The following MCM7 variants were observed in gnomAD, a reference collection of about 807,000 sequenced individuals.
MCM7 encodes minichromosome maintenance complex component 7.
Under a neutral mutation model 83.5 loss-of-function variants are expected in MCM7, and 95 were observed. The observed-to-expected ratio is 1.14, with a 90% CI of 0.96 to 1.35. The LOEUF (loss-of-function observed/expected upper bound fraction) is 1.35, where lower values mean the gene tolerates loss of function less well. Ranked by LOEUF, MCM7 falls within the 40% of genes most tolerant of loss-of-function variation. The pLI, the probability that MCM7 is intolerant of heterozygous loss-of-function variation, is 0.00. For missense variants in MCM7, 1,087 were observed against 957.4 expected, an observed-to-expected ratio of 1.14 and a Z score of -1.79; for synonymous variants, 461 against 352.7, an observed-to-expected ratio of 1.31 and a Z score of -3.44.
chr7:100,098,522 C>T (rs1393666339), intron 6 of MCM7, 56 bp downstream of exon 6: 2 of 1,606,784 alleles, frequency 1.2e-6, no homozygotes, highest in South Asian at 1.1e-5. Flanking sequence ...CAAGTGACTA[C>T]AGGATTCAAG....
intron 1 of MCM7, chr7:100,100,497 A>G (rs1425917223): frequency 3.1e-6 from 3 of 982,192 alleles, no homozygotes; most frequent in African/African-American, 3.8e-5. Flanking sequence ...ACCGCACCCC[A>G]CCCCCGCTCC....
At chr7:100,094,378 G>C in intron 12 of MCM7, 37 bp from the exon 13 acceptor site, 2 of 1,612,090 alleles carry the variant, frequency 1.2e-6, no homozygotes, top group Non-Finnish European at 1.7e-6. Flanking sequence ...AGAAGAGGGA[G>C]ATGGGGAAGG....
rs888492926 is a variant in MCM7 at position 100,099,925 on chromosome 7, G to A, written c.111+89C>T. 4.9e-6 allele frequency: 7 copies of A among 1,443,152 alleles called. No individual in the cohort carries two copies. In the African/African-American group the frequency reaches 8.4e-5, roughly 17 times the overall value. The allele number at this position is 1,443,152 out of a possible 1,614,324, so 89.4% of individuals were successfully genotyped here. On this transcript the variant is annotated intron_variant, in intron 2 of 14. Transcript: ENST00000303887. ...TTTTCAGCCCTCAAACCCTCTAATT[G>A]TTATGTCTTTAATAAAACAAGCCAA... is the stretch of plus-strand genomic sequence containing the variant.
At position 100,092,833 on chromosome 7, in the gene MCM7, AAG is replaced by A. The variant is rs1795383864; in HGVS notation, c.*97_*98del. The A allele has an allele frequency of 1.6e-6, 2 of 1,256,918 alleles. No homozygotes were observed. Among genetic ancestry groups the A allele is most frequent in the Admixed American group, 1.9e-5 (1 of 53,454 alleles). 77.9% of individuals were successfully genotyped at this position (1,256,918 alleles called of 1,614,324 possible). A position where few individuals can be genotyped will look rare whatever the true frequency, so the allele number is the denominator to read the frequency against. On this transcript the variant is annotated 3_prime_UTR_variant, in exon 15 of 15. Transcript: ENST00000303887. Reference sequence around the variant, plus strand: ...AAAGGAGTAAGTGCAGCATGGGAGAAAGAGGGGCTCCTCCTTCCCCTCAAAGG... The same window carrying A: ...AAAGGAGTAAGTGCAGCATGGGAGAAAGGGGCTCCTCCTTCCCCTCAAAGG...
chr7:100,095,971 G>C lies in MCM7; in HGVS notation c.1398C>G (p.Thr466=). 6.2e-7 allele frequency: 1 copy of C among 1,614,022 alleles called. No homozygotes were observed. The highest frequency in any genetic ancestry group is 8.5e-7 in the Non-Finnish European group (1 of 1,179,990). ...TAIHEVMEQQ[T]ISIAKAGILT... ...GAATGCCGGCCTTGGCAATGGAGAT[G>C]GTCTGCTGCTCCATGACCTCGTGGA... is the stretch of plus-strand genomic sequence containing the variant. The change falls in exon 11 of 15, where the codon ACC becomes ACG. Residue 466 remains threonine, a synonymous_variant. Transcript: ENST00000303887.
Position 100,097,316 on chromosome 7 carries a change from G to T in MCM7, c.1186C>A (p.Arg396=). The change falls in exon 10 of 15, where the codon CGA becomes AGA. Residue 396 remains arginine, a synonymous_variant. Transcript: ENST00000303887. ...AACTACTTACTGCGAGGCGCCAGTC[G>T]ATCAATGTATGACAGGAGCTGAGAC... ...AKSQLLSYID[R]LAPRSQYTTG... is the part of the protein sequence containing the mutation. 1.2e-6 allele frequency: 2 copies of T among 1,614,068 alleles called. No individual in the cohort carries two copies. The highest frequency in any genetic ancestry group is 1.7e-6 in the Non-Finnish European group (2 of 1,179,984).
chr7:100,097,202 G>T, intron 10 of MCM7, 99 bp downstream of exon 10: 1 of 1,016,534 alleles, frequency 9.8e-7, no homozygotes, highest in Non-Finnish European at 1.5e-6. Flanking sequence ...CAGAGCATTG[G>T]GATTACAGGC....
intron 13 of MCM7, 39 bp from the exon 14 acceptor site, chr7:100,093,440 A>T: frequency 6.3e-7 from 1 of 1,584,322 alleles, no homozygotes; most frequent in African/African-American, 1.3e-5. Flanking sequence ...GAACGGGAGG[A>T]GGGCAGTGGA....
chr7:100,101,173 C>T lies in MCM7; in HGVS notation c.31+91G>A, dbSNP rs1796001928. 3.3e-6 allele frequency: 5 copies of T among 1,537,626 alleles called. No individual in the cohort carries two copies. The East Asian group carries it at 9.0e-5, about 28-fold the overall frequency. ...CCTCGCGCACCCCAGAACCCGCCGA[C>T]CCCGGTCCCCCAAGACCCCAGCTCA... On this transcript the variant is annotated intron_variant, in intron 1 of 14. Coordinates refer to ENST00000303887, the MANE Select transcript of MCM7 (RefSeq NM_005916.5).
intron 1 of MCM7, chr7:100,100,417 A>C: frequency 2.9e-6 from 3 of 1,035,028 alleles, no homozygotes; most frequent in Non-Finnish European, 3.5e-6. Flanking sequence ...TTCCACCCCT[A>C]TGATCCCCCG....
At position 100,092,871 on chromosome 7, in the gene MCM7, C is replaced by T; in HGVS notation, c.*61G>A. The stretch of plus-strand genomic sequence containing the variant: ...CCTTCCCCTCAAAGGCATCACTGCC[C>T]CTTCCCAAGGGGCAGGCCAGCAGGG... On this transcript the variant is annotated 3_prime_UTR_variant, in exon 15 of 15. Transcript: ENST00000303887. The T allele has an allele frequency of 6.3e-7, 1 of 1,584,242 alleles. No homozygotes were observed.
intron 13 of MCM7, 150 bp from the exon 14 acceptor site, chr7:100,093,551 G>A (rs1227499380): frequency 8.7e-6 from 7 of 808,192 alleles, no homozygotes; most frequent in South Asian, 4.0e-5. Flanking sequence ...CCCAGCATCC[G>A]CAGTGTTGGG....
chr7:100,098,423 CT>C, intron 6 of MCM7, 133 bp from the exon 7 acceptor site: 1 of 1,484,290 alleles, frequency 6.7e-7, no homozygotes, highest in Non-Finnish European at 9.2e-7. Context: ...CTGAGACCTC[CT>C]TTCCCCTTCC....
intron 13 of MCM7, 23 bp downstream of exon 13, chr7:100,094,150 C>T: frequency 1.9e-6 from 3 of 1,614,032 alleles, no homozygotes; most frequent in Non-Finnish European, 2.5e-6. Context: ...AACAGATGGC[C>T]CTCCAGCAAT....
intron 13 of MCM7, chr7:100,093,851 T>A (rs369813078): frequency 1.6e-6 from 1 of 640,300 alleles, no homozygotes; most frequent in Non-Finnish European, 3.0e-6. Context: ...CCCCCAGGAC[T>A]GAGGTCCAAG....
At chr7:100,094,085 G>A (rs1795482922) in intron 13 of MCM7, 88 bp downstream of exon 13, 4 of 1,524,014 alleles carry the variant, frequency 2.6e-6, no homozygotes, top group Non-Finnish European at 3.6e-6. Context: ...GCTGGAGCGG[G>A]AGGTGGGGAG....
rs1457369325 is a variant in MCM7 at position 100,093,344 on chromosome 7, G to GC, written c.1905dup (p.Leu636AlafsTer18). 6.2e-7 allele frequency: 1 copy of GC among 1,613,996 alleles called. No homozygotes were observed. Among genetic ancestry groups the GC allele is most frequent in the Non-Finnish European group, 8.5e-7 (1 of 1,180,040 alleles). On this transcript the variant is annotated frameshift_variant, in exon 14 of 15. Transcript: ENST00000303887. LOFTEE classifies it high-confidence loss of function. ...AGAGAGTCCTTTGACATCTCCATTA[G>GC]CCTGATGGCTTCATTCACATCTTCT...
At position 100,092,906 on chromosome 7, in the gene MCM7, A is replaced by T. The variant is rs1795387444; in HGVS notation, c.*26T>A. On this transcript the variant is annotated 3_prime_UTR_variant, in exon 15 of 15. Transcript: ENST00000303887. ...GGGCAGGCCAGCAGGGAACAAGAGG[A>T]CCCCAGGGTTGCAAGCAGGCTGGAA... 2 of 1,613,708 alleles carry T rather than the reference A, an allele frequency of 1.2e-6. No individual in the cohort carries two copies. The highest frequency in any genetic ancestry group is 1.7e-6 in the Non-Finnish European group (2 of 1,179,812).
At chr7:100,101,011 C>T in intron 1 of MCM7, 1 of 777,212 alleles carries the variant, frequency 1.3e-6, no homozygotes, top group Non-Finnish European at 2.0e-6. Flanking sequence ...GGTTAGCGCG[C>T]CCCCAAGCCC....
Sources: gnomAD v4.1 joint callset for allele counts on GRCh38, gnomAD v4.1.1 for gene constraint, MANE v1.5 for transcripts, NCBI Gene and HGNC (gene_info 2026-07-23, HGNC 2026-07-21) for gene names.